MYH11: variants seen among roughly 807,000 people sequenced by gnomAD.
MYH11 encodes the protein myosin-11.
In MYH11, 80 loss-of-function variants were observed where a neutral mutation model predicts 246.6. The observed-to-expected ratio is 0.32, with a 90% confidence interval of 0.27 to 0.39. MYH11 has a LOEUF of 0.39. MYH11 is among the 10% of genes least tolerant of loss of function. MYH11 has a pLI of 1.00. For synonymous variants in MYH11, 1,071 were observed against 1,015.5 expected (o/e 1.05, Z -1.04); for missense variants, 2,158 against 2,546.8 (o/e 0.85, Z 3.29).
chr16:15,751,255 G>A (rs907360516), intron 15 of MYH11, among the ~76,000 whole-genome samples: 4 of 151,886 alleles, frequency 2.6e-5, no homozygotes, highest in African/African-American at 7.3e-5. Context: ...CCGCCTCCCG[G>A]GTTCCAGCAA....
rs116692213 is a variant in MYH11 at position 15,739,767 on chromosome 16, A to G, written c.2997+284T>C. Among the ~76,000 whole-genome samples, 4,981 of 151,146 alleles carry G rather than the reference A, an allele frequency of 0.033. 116 individuals carry two copies. Among genetic ancestry groups the G allele is most frequent in the South Asian group, 0.068 (327 of 4,780 alleles). The stretch of plus-strand genomic sequence containing the variant: ...TTCCACTTTTTTTTTTTTTTGAAAC[A>G]GAGTCACTCTGTCACCCAGGCTGCA... On this transcript the variant is annotated intron_variant, in intron 23 of 40. Coordinates refer to ENST00000300036, the MANE Select transcript of MYH11 (RefSeq NM_002474.3).
At chr16:15,726,610 C>A in intron 28 of MYH11, 2 of 591,042 alleles carry the variant, frequency 3.4e-6, no homozygotes, top group Non-Finnish European at 3.0e-6. Flanking sequence ...TCAGGTGATC[C>A]ACCCACCTCT....
intron 1 of MYH11, among the ~76,000 whole-genome samples, chr16:15,847,661 T>A (rs1388120380): frequency 6.6e-6 from 1 of 152,208 alleles, no homozygotes; most frequent in African/African-American, 2.4e-5. Flanking sequence ...CTCCATTGCC[T>A]GGGACCCTGT....
chr16:15,798,302 A>G (rs2042791963), intron 4 of MYH11, among the ~76,000 whole-genome samples: 1 of 152,216 alleles, frequency 6.6e-6, no homozygotes, highest in South Asian at 2.1e-4. Flanking sequence ...TTCCCTATCA[A>G]CACAGATGGC....
At chr16:15,831,467 GTGT>G (rs2043736444) in intron 2 of MYH11, among the ~76,000 whole-genome samples, 5 of 147,736 alleles carry the variant, frequency 3.4e-5, no homozygotes, top group African/African-American at 1.3e-4. Flanking sequence ...TGTTTGGGGT[GTGT>G]GTGTGTGTGT....
chr16:15,796,219 T>C (rs116516726), intron 4 of MYH11, among the ~76,000 whole-genome samples: 11 of 152,320 alleles, frequency 7.2e-5, no homozygotes, highest in Admixed American at 7.2e-4. Flanking sequence ...AGTTCTGCAA[T>C]ATACTTGCCA....
chr16:15,817,903 A>G (rs1261809972), intron 3 of MYH11, among the ~76,000 whole-genome samples: 2 of 152,070 alleles, frequency 1.3e-5, no homozygotes, highest in Non-Finnish European at 2.9e-5. Context: ...ACCTCTCTCA[A>G]ATAACCCACC....
intron 14 of MYH11, among the ~76,000 whole-genome samples, chr16:15,755,945 G>A (rs2041701529): frequency 6.6e-6 from 1 of 151,884 alleles, no homozygotes; most frequent in Non-Finnish European, 1.5e-5. Context: ...AAGGAAAAAA[G>A]ATTTTAGCTG....
At chr16:15,704,576 C>T (rs768373611) in intron 40 of MYH11, among the ~76,000 whole-genome samples, 3 of 152,214 alleles carry the variant, frequency 2.0e-5, no homozygotes, top group Non-Finnish European at 4.4e-5. Flanking sequence ...TGTATCTCCT[C>T]ACCCCCATTC....
chr16:15,813,762 G>A (rs989629692), intron 3 of MYH11, among the ~76,000 whole-genome samples: 2 of 151,788 alleles, frequency 1.3e-5, no homozygotes, highest in African/African-American at 4.8e-5. Context: ...GAAGGCACAG[G>A]CATGAGGAAA....
At chr16:15,808,110 C>T (rs563174675) in intron 3 of MYH11, among the ~76,000 whole-genome samples, 1 of 152,346 alleles carries the variant, frequency 6.6e-6, no homozygotes, top group East Asian at 1.9e-4. Flanking sequence ...AGAAAGGTCT[C>T]AGCCTCCATT....
intron 15 of MYH11, among the ~76,000 whole-genome samples, chr16:15,751,881 C>G (rs1482970466): frequency 2.0e-5 from 3 of 152,140 alleles, no homozygotes; most frequent in Non-Finnish European, 1.5e-5. Context: ...TCACTGCAAC[C>G]TGCGCCTCCC....
intron 3 of MYH11, among the ~76,000 whole-genome samples, chr16:15,815,487 A>G (rs2043242027): frequency 6.6e-6 from 1 of 152,188 alleles, no homozygotes; most frequent in Non-Finnish European, 1.5e-5. Context: ...TACCATTAAA[A>G]ACATTAAAGT....
In MYH11 at chr16:15,788,095, T is replaced by TTTTTTTTTA. The variant is rs11273419; in HGVS notation, c.531-1364_531-1363insTAAAAAAAA. Among the ~76,000 whole-genome samples the TTTTTTTTTA allele has an allele frequency of 1.8e-3, 180 of 99,422 alleles. 27 individuals are homozygous for TTTTTTTTTA. The highest frequency in any genetic ancestry group is 3.5e-3 in the African/African-American group (103 of 29,038). The allele number at this position is 99,422 out of a possible 152,430, so 65.2% of individuals were successfully genotyped here. ...GGTAGATCTTTTTTTTTTTTTTTTT[T>TTTTTTTTTA]ACCAAGATGGCTTTCGTGCACTAGC... On this transcript the variant is annotated intron_variant, in intron 4 of 40. Coordinates refer to ENST00000300036, the MANE Select transcript of MYH11 (RefSeq NM_002474.3).
At chr16:15,729,264 G>GT (rs2040889088) in intron 27 of MYH11, among the ~76,000 whole-genome samples, 1 of 152,074 alleles carries the variant, frequency 6.6e-6, no homozygotes, top group South Asian at 2.1e-4. Context: ...GATGTTAAAC[G>GT]TTTCCCCCAC....
chr16:15,784,237 T>C (rs1424499361), intron 5 of MYH11, among the ~76,000 whole-genome samples: 1 of 151,784 alleles, frequency 6.6e-6, no homozygotes, highest in African/African-American at 2.4e-5. Context: ...GGAAGACACT[T>C]AGGGATGATG....
intron 20 of MYH11, among the ~76,000 whole-genome samples, chr16:15,743,736 C>T (rs911898928): frequency 2.6e-5 from 4 of 152,170 alleles, no homozygotes; most frequent in Non-Finnish European, 4.4e-5. Flanking sequence ...GGTCAGGGAC[C>T]ATGGTGTGTG....
At chr16:15,831,956 G>A (rs538832865) in intron 2 of MYH11, among the ~76,000 whole-genome samples, 2 of 152,018 alleles carry the variant, frequency 1.3e-5, no homozygotes, top group South Asian at 4.2e-4. Flanking sequence ...AAAAAGATCA[G>A]AAGGGCTAAT....
At chr16:15,751,382 C>G (rs921777767) in intron 15 of MYH11, among the ~76,000 whole-genome samples, 2 of 151,686 alleles carry the variant, frequency 1.3e-5, no homozygotes, top group South Asian at 2.1e-4. Context: ...AGGCTGGTCT[C>G]GAACTCCTGA....
Sources: gnomAD v4.1 joint callset for allele counts (sites outside exome capture counted in the v4.1 genomes callset) on GRCh38, gnomAD v4.1.1 for gene constraint, MANE v1.5 for transcripts, NCBI Gene and HGNC (gene_info 2026-07-23, HGNC 2026-07-21) for gene names.